Variants in ZNF224 observed in about 807,000 individuals in gnomAD.
ZNF224 encodes zinc finger protein 224.
A neutral mutation model predicts 10.5 loss-of-function variants in ZNF224; 8 were observed. That is an observed-to-expected ratio of 0.76 (90% CI 0.45 to 1.37). The LOEUF (loss-of-function observed/expected upper bound fraction) is 1.37, where lower values mean the gene tolerates loss of function less well. Ranked by LOEUF, ZNF224 falls within the 40% of genes most tolerant of loss-of-function variation. The probability of loss-of-function intolerance (pLI) is 0.00; values close to 1 mark genes in which losing one functional copy is unlikely to be tolerated. For missense variants in ZNF224, 754 were observed against 854.0 expected (o/e 0.88, Z 1.46); for synonymous variants, 282 against 287.8 (o/e 0.98, Z 0.20).
chr19:44,107,998 C>T lies in ZNF224; in HGVS notation c.1838C>T (p.Thr613Ile). The T allele has an allele frequency of 1.2e-6, 2 of 1,614,090 alleles. No homozygotes were observed. Among genetic ancestry groups the T allele is most frequent in the Non-Finnish European group, 1.7e-6 (2 of 1,180,010 alleles). Residue 613 changes from threonine to isoleucine, a missense_variant, in exon 6 of 6, where the codon ACC becomes ATC. Physicochemically the swap from Thr to Ile is moderately conservative, Grantham distance 89 (BLOSUM62 -1). Transcript: ENST00000693561. ...KGFSWSSTRL[T>I]HQRRHSRETP... ...TTCAGCTGGTCCTCAACTCGTCTGA[C>T]CCATCAGAGACGCCACAGCAGAGAA...
intron 5 of ZNF224, 92 bp from the exon 6 acceptor site, chr19:44,106,304 A>G: frequency 7.3e-7 from 1 of 1,365,152 alleles, no homozygotes; most frequent in Non-Finnish European, 1.0e-6. Context: ...GTCTATACTC[A>G]TGAGAGTTTC....
In ZNF224 at chr19:44,097,751, GC is replaced by G. The variant is rs1208125254; in HGVS notation, c.-68-54del. On this transcript the variant is annotated intron_variant, in intron 2 of 5. Transcript: ENST00000693561. ...CAATACACATCCCTGTTGGTGGGTGGCATCCCTGGCCACCTTTTCATGTCTC... is the reference window on the plus strand; with the variant it reads ...CAATACACATCCCTGTTGGTGGGTGGATCCCTGGCCACCTTTTCATGTCTC... The G allele has an allele frequency of 3.9e-6, 4 of 1,026,138 alleles. No individual in the cohort carries two copies. In the Admixed American group the frequency reaches 5.8e-5, roughly 15 times the overall value. 63.6% of individuals were successfully genotyped at this position (1,026,138 alleles called of 1,614,324 possible).
rs1270360140 is a variant in ZNF224, at chr19:44,108,251, T to C, written c.2091T>C (p.Leu697=). 1 of 1,612,382 alleles carries C rather than the reference T, an allele frequency of 6.2e-7. No individual in the cohort carries two copies. Among genetic ancestry groups the C allele is most frequent in the African/African-American group, 1.3e-5 (1 of 74,754 alleles). ...MCFSQASSLR[L]HQNVHVGEKP is the part of the protein sequence containing the mutation. Reference sequence around the variant, plus strand: ...TTAGTCAGGCCTCAAGCCTTCGACTTCATCAGAATGTTCATGTTGGAGAAA... The same window carrying C: ...TTAGTCAGGCCTCAAGCCTTCGACTCCATCAGAATGTTCATGTTGGAGAAA... The change falls in exon 6 of 6, where the codon CTT becomes CTC. Residue 697 remains leucine (L), a synonymous_variant. Coordinates refer to ENST00000693561, the MANE Select transcript of ZNF224 (RefSeq NM_001321645.3).
chr19:44,102,429 T>C (rs1487671521), intron 5 of ZNF224, among the ~76,000 whole-genome samples: 2 of 152,226 alleles, frequency 1.3e-5, no homozygotes, highest in Non-Finnish European at 2.9e-5. Context: ...TCCTGGTACA[T>C]GGCAGGTTTC....
chr19:44,108,742 A>C lies in ZNF224; in HGVS notation c.*458A>C. ...GCCTTAACATTGATTAGCACTTTGT[A>C]TGTGTTCAGTACTTGTTTGTTAAAT... On this transcript the variant is annotated 3_prime_UTR_variant, in exon 6 of 6. Transcript: ENST00000693561. The C allele has an allele frequency of 1.9e-6, 1 of 518,086 alleles. No individual in the cohort carries two copies. Among genetic ancestry groups the C allele is most frequent in the African/African-American group, 1.9e-5 (1 of 51,452 alleles). The allele number at this position is 518,086 out of a possible 1,614,324, so 32.1% of individuals were successfully genotyped here.
In ZNF224 at chr19:44,094,673, C is replaced by G. The variant is rs1053242223; in HGVS notation, c.-158+143C>G. 4 of 152,588 alleles carry G rather than the reference C, an allele frequency of 2.6e-5. No homozygotes were observed. In the East Asian group the frequency reaches 7.7e-4, roughly 30 times the overall value. The allele number at this position is 152,588 out of a possible 1,614,324, so 9.5% of individuals were successfully genotyped here. A position where few individuals can be genotyped will look rare whatever the true frequency, so the allele number is the denominator to read the frequency against. On this transcript the variant is annotated intron_variant, in intron 1 of 5. Coordinates refer to ENST00000693561, the MANE Select transcript of ZNF224 (RefSeq NM_001321645.3). ...CAGGGTTTCCGGGGCTCTGAGCTCG[C>G]CCACTCCGCCCCCTGCACCCCACGC...
chr19:44,100,725 T>G, intron 3 of ZNF224, 76 bp from the exon 4 acceptor site: 24 of 1,405,198 alleles, frequency 1.7e-5, no homozygotes, highest in Non-Finnish European at 2.2e-5. Flanking sequence ...ACCCCTCCCC[T>G]CTGTCTGCTC....
rs1247075261 is a variant in ZNF224 at position 44,107,607 on chromosome 19, C to A, written c.1447C>A (p.Pro483Thr). The A allele has an allele frequency of 3.1e-6, 5 of 1,613,702 alleles. No homozygotes were observed. In the African/African-American group the frequency reaches 6.7e-5, roughly 22 times the overall value. Residue 483 changes from proline to threonine, a missense_variant, in exon 6 of 6, where the codon CCA (proline) becomes ACA (threonine). Transcript: ENST00000693561. ...KHERLHSGEK[P>T]FQCEECGKRF... Reference sequence around the variant, plus strand: ...TGAGAGACTCCACAGTGGAGAAAAACCATTCCAATGTGAAGAGTGTGGGAA... The same window carrying A: ...TGAGAGACTCCACAGTGGAGAAAAAACATTCCAATGTGAAGAGTGTGGGAA...
Position 44,107,077 on chromosome 19 carries a change from A to G in ZNF224, c.917A>G (p.His306Arg), listed in dbSNP as rs774090188. The change falls in exon 6 of 6, where the codon CAT (histidine) becomes CGT (arginine). Residue 306 changes from histidine (H) to arginine (R), a missense_variant. Transcript: ENST00000693561. ...SFCGRSRLNR[H>R]SMVHTAEKPF... Reference sequence around the variant, plus strand: ...TGTGGTAGATCAAGACTTAATAGGCATTCCATGGTTCACACGGCAGAGAAA... The same window carrying G: ...TGTGGTAGATCAAGACTTAATAGGCGTTCCATGGTTCACACGGCAGAGAAA... 1 of 1,601,650 alleles carries G rather than the reference A, an allele frequency of 6.2e-7. No homozygotes were observed. Among genetic ancestry groups the G allele is most frequent in the South Asian group, 1.1e-5 (1 of 88,978 alleles).
Position 44,108,101 on chromosome 19 carries a change from T to G in ZNF224, c.1941T>G (p.Ser647Arg). The change falls in exon 6 of 6, where the codon AGT (serine) becomes AGG (arginine). Residue 647 changes from serine (S) to arginine (R), a missense_variant. Coordinates refer to ENST00000693561, the MANE Select transcript of ZNF224 (RefSeq NM_001321645.3). ...SFSKVQEKVH[S>R]VEKPYKCEDC... ...CTAAAGTGCAAGAAAAAGTTCACAG[T>G]GTAGAAAAGCCATACAAATGTGAGG... 6.2e-7 allele frequency: 1 copy of G among 1,612,268 alleles called. No individual in the cohort carries two copies. Among genetic ancestry groups the G allele is most frequent in the Non-Finnish European group, 8.5e-7 (1 of 1,178,730 alleles).
At position 44,107,104 on chromosome 19, in the gene ZNF224, C is replaced by G; in HGVS notation, c.944C>G (p.Pro315Arg). The change falls in exon 6 of 6, where the codon CCA (proline) becomes CGA (arginine). Residue 315 changes from proline (P) to arginine (R), a missense_variant. Coordinates refer to ENST00000693561, the MANE Select transcript of ZNF224 (RefSeq NM_001321645.3). Reference protein sequence around the residue: ...RHSMVHTAEKPFRCDTCDKSF... With the variant: ...RHSMVHTAEKRFRCDTCDKSF... The stretch of plus-strand genomic sequence containing the variant: ...TCCATGGTTCACACGGCAGAGAAAC[C>G]ATTCCGATGTGATACGTGTGATAAG... 6.2e-7 allele frequency: 1 copy of G among 1,603,240 alleles called. No homozygotes were observed. The highest frequency in any genetic ancestry group is 8.5e-7 in the Non-Finnish European group (1 of 1,174,232).
Position 44,106,479 on chromosome 19 carries a change from A to T in ZNF224, c.319A>T (p.Ile107Phe). 6.2e-7 allele frequency: 1 copy of T among 1,614,190 alleles called. No homozygotes were observed. Among genetic ancestry groups the T allele is most frequent in the Non-Finnish European group, 8.5e-7 (1 of 1,180,036 alleles). The change falls in exon 6 of 6, where the codon ATT becomes TTT. Residue 107 changes from isoleucine (I) to phenylalanine (F), a missense_variant. By Grantham distance (21) the Ile-to-Phe change is conservative. Transcript: ENST00000693561. ...GTCCTTCCAGCAAATCTGGGAAAAA[A>T]TTGCAAGTGATTTAACCAGGTCTCA... Reference protein sequence around the residue: ...EWSFQQIWEKIASDLTRSQDL... With the variant: ...EWSFQQIWEKFASDLTRSQDL...
Position 44,108,432 on chromosome 19 carries a change from A to C in ZNF224, c.*148A>C, listed in dbSNP as rs1967753289. ...TATCTCTGAATCCATGCTGGTGATA[A>C]ATTTCACCCATTCTTGGAAGAGGGA... On this transcript the variant is annotated 3_prime_UTR_variant, in exon 6 of 6. Coordinates refer to ENST00000693561, the MANE Select transcript of ZNF224 (RefSeq NM_001321645.3). 2.3e-6 allele frequency: 2 copies of C among 856,616 alleles called. No homozygotes were observed. Among genetic ancestry groups the C allele is most frequent in the African/African-American group, 1.7e-5 (1 of 58,730 alleles). The allele number at this position is 856,616 out of a possible 1,614,324, so 53.1% of individuals were successfully genotyped here. A position where few individuals can be genotyped will look rare whatever the true frequency, so the allele number is the denominator to read the frequency against.
chr19:44,105,734 T>G (rs915580435), intron 5 of ZNF224: 4 of 153,038 alleles, frequency 2.6e-5, no homozygotes, highest in African/African-American at 9.6e-5. Context: ...TGCATACCCA[T>G]AGCTTAACTC....
Position 44,106,623 on chromosome 19 carries a change from C to T in ZNF224, c.463C>T (p.Pro155Ser), listed in dbSNP as rs769027750. The T allele has an allele frequency of 6.3e-6, 10 of 1,599,916 alleles. No homozygotes were observed. The South Asian group carries it at 1.0e-4, about 16-fold the overall frequency. ...QKSSQGNGYKPSFSDVSHFDF... is the reference protein window; with the variant it reads ...QKSSQGNGYKSSFSDVSHFDF... ...ATCTTCCCAGGGCAATGGATATAAA[C>T]CATCCTTCAGTGATGTCTCCCACTT... Residue 155 changes from proline to serine, a missense_variant, in exon 6 of 6, where the codon CCA (proline) becomes TCA (serine). Pro to Ser is a moderately conservative substitution (Grantham distance 74, BLOSUM62 -1). Transcript: ENST00000693561.
At chr19:44,103,475 A>G (rs1967587074) in intron 5 of ZNF224, among the ~76,000 whole-genome samples, 1 of 152,166 alleles carries the variant, frequency 6.6e-6, no homozygotes, top group Admixed American at 6.5e-5. Context: ...ATGCATGTAG[A>G]TGTCTATGGG....
rs1350405250 is a variant in ZNF224, at chr19:44,107,972, C to T, written c.1812C>T (p.Gly604=). The T allele has an allele frequency of 1.9e-6, 3 of 1,614,224 alleles. No individual in the cohort carries two copies. The highest frequency in any genetic ancestry group is 2.5e-6 in the Non-Finnish European group (3 of 1,180,034). ...ACAAATGTGATGAGTGTGGGAAGGGCTTCAGCTGGTCCTCAACTCGTCTGA... is the reference window on the plus strand; with the variant it reads ...ACAAATGTGATGAGTGTGGGAAGGGTTTCAGCTGGTCCTCAACTCGTCTGA... ...KPYKCDECGK[G]FSWSSTRLTH... is the part of the protein sequence containing the mutation. The change falls in exon 6 of 6, where the codon GGC becomes GGT. Residue 604 remains glycine, a synonymous_variant. Transcript: ENST00000693561.
In ZNF224 at chr19:44,106,523, C is replaced by T; in HGVS notation, c.363C>T (p.Ser121=). The change falls in exon 6 of 6, where the codon AGC becomes AGT. Residue 121 remains serine (S), a synonymous_variant. Coordinates refer to ENST00000693561, the MANE Select transcript of ZNF224 (RefSeq NM_001321645.3). ...GGTCTCAAGACTTGATGATAAATAG[C>T]TCTCAGTTCTCCAAAGAAGGTGATT... The part of the protein sequence containing the change: ...LTRSQDLMIN[S]SQFSKEGDFP... 6 of 1,614,132 alleles carry T rather than the reference C, an allele frequency of 3.7e-6. No individual in the cohort carries two copies. Among genetic ancestry groups the T allele is most frequent in the Non-Finnish European group, 5.1e-6 (6 of 1,179,992 alleles).
chr19:44,109,520 T>A lies in ZNF224; in HGVS notation c.*1236T>A, dbSNP rs932652419. 6.6e-6 allele frequency: 1 copy of A among 152,186 alleles called. No individual in the cohort carries two copies. Among genetic ancestry groups the A allele is most frequent in the African/African-American group, 2.4e-5 (1 of 41,444 alleles). 9.4% of individuals were successfully genotyped at this position (152,186 alleles called of 1,614,324 possible). On this transcript the variant is annotated 3_prime_UTR_variant, in exon 6 of 6. Coordinates refer to ENST00000693561, the MANE Select transcript of ZNF224 (RefSeq NM_001321645.3). ...CTTTATTGCTGGCAGTAAAAATATG[T>A]CTTTTGGAGAGCAGAACATGCCAGA...
Sources: gnomAD v4.1 joint callset for allele counts (sites outside exome capture counted in the v4.1 genomes callset) on GRCh38, gnomAD v4.1.1 for gene constraint, MANE v1.5 for transcripts, NCBI Gene and HGNC (gene_info 2026-07-23, HGNC 2026-07-21) for gene names.